The following CATSPERE variants were observed in gnomAD, a reference collection of about 807,000 sequenced individuals.
CATSPERE encodes the protein catsper channel auxiliary subunit epsilon.
A neutral mutation model predicts 114.1 loss-of-function variants in CATSPERE; 93 were observed. The observed-to-expected ratio is 0.81, with a 90% CI of 0.69 to 0.97. The LOEUF is 0.97. Ranked by LOEUF, CATSPERE falls within the 50% of genes least tolerant of loss-of-function variation. CATSPERE has a pLI of 0.00. For missense variants in CATSPERE, 1,058 were observed against 1,131.6 expected (o/e 0.93, Z 0.93); for synonymous variants, 341 against 384.1 (o/e 0.89, Z 1.31).
At position 244,610,302 on chromosome 1, in the gene CATSPERE, A is replaced by G. The variant is rs756704880; in HGVS notation, c.2466A>G (p.Pro822=). 6.2e-7 allele frequency: 1 copy of G among 1,613,008 alleles called. No homozygotes were observed. Among genetic ancestry groups the G allele is most frequent in the Admixed American group, 1.7e-5 (1 of 59,974 alleles). The change falls in exon 19 of 22, where the codon CCA becomes CCG. Residue 822 remains proline, a synonymous_variant. Coordinates refer to ENST00000366534, the MANE Select transcript of CATSPERE (RefSeq NM_001130957.2). ...TGATTGAACTTAACAAGCACCTCCCACTAGAAGAAGTCTGGGGACCTGAGG... is the reference window on the plus strand; with the variant it reads ...TGATTGAACTTAACAAGCACCTCCCGCTAGAAGAAGTCTGGGGACCTGAGG... ...KSMIELNKHL[P]LEEVWGPENY...
At chr1:244,510,000 G>A (rs184460969) in intron 7 of CATSPERE, among the ~76,000 whole-genome samples, 4 of 151,948 alleles carry the variant, frequency 2.6e-5, no homozygotes, top group Admixed American at 6.5e-5. Context: ...GCAGTTTATC[G>A]ATTTTATCTT....
At position 244,553,602 on chromosome 1, in the gene CATSPERE, TACACACAC is replaced by T. The variant is rs67626437; in HGVS notation, c.1029+824_1029+831del. The stretch of plus-strand genomic sequence containing the variant: ...TCTCAAAAAAAAAAAAAAAAAAAAA[TACACACAC>T]ACACACACACACACACACACACACA... On this transcript the variant is annotated intron_variant, in intron 9 of 21. Transcript: ENST00000366534. Among the ~76,000 whole-genome samples, 826 of 91,944 alleles carry T rather than the reference TACACACAC, an allele frequency of 9.0e-3. 10 individuals carry two copies. The highest frequency in any genetic ancestry group is 0.01 in the Non-Finnish European group (528 of 52,632). 60.3% of individuals were successfully genotyped at this position (91,944 alleles called of 152,430 possible).
At chr1:244,571,124 G>T (rs1245769966) in intron 10 of CATSPERE, among the ~76,000 whole-genome samples, 1 of 152,064 alleles carries the variant, frequency 6.6e-6, no homozygotes, top group Non-Finnish European at 1.5e-5. Context: ...ATTCAGCATG[G>T]AATTATATGT....
rs869044548 is a variant in CATSPERE at position 244,621,329 on chromosome 1, T to TAAAAA, written c.2648+3644_2648+3645insAAAAA. On this transcript the variant is annotated intron_variant, in intron 20 of 21. Transcript: ENST00000366534. ...TAAATATATAAAATATATATATATA[T>TAAAAA]ATATATATATATATATTCCCTAAGA... 4.0e-5 allele frequency among the ~76,000 whole-genome samples: 5 copies of TAAAAA among 125,794 alleles called. 1 individual carries two copies. Among genetic ancestry groups the TAAAAA allele is most frequent in the Non-Finnish European group, 8.0e-5 (5 of 62,448 alleles). The allele number at this position is 125,794 out of a possible 152,430, so 82.5% of individuals were successfully genotyped here. A position where few individuals can be genotyped will look rare whatever the true frequency, so the allele number is the denominator to read the frequency against.
At chr1:244,470,287 T>C (rs1228531949) in intron 2 of CATSPERE, among the ~76,000 whole-genome samples, 2 of 152,216 alleles carry the variant, frequency 1.3e-5, no homozygotes, top group Admixed American at 6.5e-5. Context: ...ATGTATCTTA[T>C]TATGGACTTG....
At chr1:244,604,311 C>T (rs1037151680) in intron 17 of CATSPERE, among the ~76,000 whole-genome samples, 1 of 152,216 alleles carries the variant, frequency 6.6e-6, no homozygotes, top group African/African-American at 2.4e-5. Flanking sequence ...TTCATGACGT[C>T]TCAAAACTAA....
At chr1:244,550,507 A>G (rs1660442777) in intron 8 of CATSPERE, among the ~76,000 whole-genome samples, 1 of 152,216 alleles carries the variant, frequency 6.6e-6, no homozygotes, top group African/African-American at 2.4e-5. Context: ...CCAATTGTCC[A>G]TTCAAACAAA....
chr1:244,596,390 G>A (rs2148656648), intron 17 of CATSPERE, among the ~76,000 whole-genome samples: 1 of 152,270 alleles, frequency 6.6e-6, no homozygotes, highest in African/African-American at 2.4e-5. Flanking sequence ...CAGCCATTCT[G>A]CTGTACGCTT....
At chr1:244,588,785 T>C (rs942348203) in intron 14 of CATSPERE, among the ~76,000 whole-genome samples, 1 of 152,244 alleles carries the variant, frequency 6.6e-6, no homozygotes, top group African/African-American at 2.4e-5. Flanking sequence ...CTACCTTCCC[T>C]TTTAATAAGC....
Position 244,640,276 on chromosome 1 carries a change from T to G in CATSPERE, c.*195T>G. Reference sequence around the variant, plus strand: ...TGTTTTCATATATATTGTTATTAAATTAATCCTTTGTTTGCCTTCATTTTA... The same window carrying G: ...TGTTTTCATATATATTGTTATTAAAGTAATCCTTTGTTTGCCTTCATTTTA... On this transcript the variant is annotated 3_prime_UTR_variant, in exon 22 of 22. Coordinates refer to ENST00000366534, the MANE Select transcript of CATSPERE (RefSeq NM_001130957.2). 1 of 428,596 alleles carries G rather than the reference T, an allele frequency of 2.3e-6. No individual in the cohort carries two copies. Among genetic ancestry groups the G allele is most frequent in the East Asian group, 4.1e-5 (1 of 24,384 alleles). 26.5% of individuals were successfully genotyped at this position (428,596 alleles called of 1,614,324 possible). A position where few individuals can be genotyped will look rare whatever the true frequency, so the allele number is the denominator to read the frequency against.
intron 5 of CATSPERE, among the ~76,000 whole-genome samples, chr1:244,482,893 A>C (rs555001570): frequency 3.3e-5 from 5 of 152,296 alleles, no homozygotes; most frequent in African/African-American, 9.6e-5. Flanking sequence ...ATTATAATAA[A>C]TTGTTTAGTT....
chr1:244,554,725 T>A (rs980697079), intron 9 of CATSPERE, among the ~76,000 whole-genome samples: 2 of 151,602 alleles, frequency 1.3e-5, no homozygotes, highest in South Asian at 4.2e-4. Flanking sequence ...ATGGGATTTT[T>A]TTTAACTATT....
chr1:244,622,710 G>C (rs1672557481), intron 20 of CATSPERE, among the ~76,000 whole-genome samples: 1 of 152,134 alleles, frequency 6.6e-6, no homozygotes, highest in South Asian at 2.1e-4. Flanking sequence ...TCCACTCCCA[G>C]TTCCATCACT....
rs35307647 is a variant in CATSPERE at position 244,633,865 on chromosome 1, A to ATT, written c.2649-1608_2649-1607dup. On this transcript the variant is annotated intron_variant, in intron 20 of 21. Transcript: ENST00000366534. The surrounding 1 kb of genome is among the most constrained non-coding windows in gnomAD (Gnocchi z 4.1). ...CCTGTGACAGGTGTCTACATCACTC[A>ATT]TTTTTTTTTTTTTTTTTGAGACGGA... 5.5e-4 allele frequency among the ~76,000 whole-genome samples: 74 copies of ATT among 133,672 alleles called. No individual in the cohort carries two copies. The highest frequency in any genetic ancestry group is 1.2e-3 in the South Asian group (5 of 4,148). The allele number at this position is 133,672 out of a possible 152,430, so 87.7% of individuals were successfully genotyped here. A position where few individuals can be genotyped will look rare whatever the true frequency, so the allele number is the denominator to read the frequency against.
At chr1:244,523,485 A>G in intron 8 of CATSPERE, among the ~76,000 whole-genome samples, 1 of 137,188 alleles carries the variant, frequency 7.3e-6, no homozygotes, top group African/African-American at 3.1e-5. Context: ...AGTTCTGGCC[A>G]GGGCAATTAG....
At chr1:244,460,404 G>A (rs1439700781), upstream of CATSPERE, among the ~76,000 whole-genome samples, 1 of 151,976 alleles carries the variant, frequency 6.6e-6, no homozygotes, top group Non-Finnish European at 1.5e-5. Flanking sequence ...TGATCTTGTG[G>A]CCCCACCCAG....
rs1250586232 is a variant in CATSPERE, at chr1:244,577,287, T to G, written c.1951-4509T>G. Among the ~76,000 whole-genome samples, 14 of 151,324 alleles carry G rather than the reference T, an allele frequency of 9.3e-5. 1 individual carries two copies. The highest frequency in any genetic ancestry group is 9.2e-4 in the Admixed American group (14 of 15,192). ...CTTATTTTATCAATCTATAATATTA[T>G]ATATAATTACTTATTTTAAATAATC... On this transcript the variant is annotated intron_variant, in intron 11 of 21. Coordinates refer to ENST00000366534, the MANE Select transcript of CATSPERE (RefSeq NM_001130957.2).
chr1:244,602,811 G>A (rs1038204581), intron 17 of CATSPERE, among the ~76,000 whole-genome samples: 1 of 152,156 alleles, frequency 6.6e-6, no homozygotes, highest in Non-Finnish European at 1.5e-5. Flanking sequence ...GCTTTAGTCA[G>A]GTACGGTAAG....
intron 11 of CATSPERE, among the ~76,000 whole-genome samples, chr1:244,578,716 G>A (rs1665671977): frequency 7.1e-6 from 1 of 141,508 alleles, no homozygotes; most frequent in Non-Finnish European, 1.6e-5. Flanking sequence ...TATATATACA[G>A]GTATATATAT....
Sources: gnomAD v4.1 joint callset for allele counts (sites outside exome capture counted in the v4.1 genomes callset) on GRCh38, gnomAD v4.1.1 for gene constraint, Gnocchi (gnomAD v3.1) non-coding constraint, MANE v1.5 for transcripts, NCBI Gene and HGNC (gene_info 2026-07-23, HGNC 2026-07-21) for gene names.